Variants in WNK3 observed in about 807,000 individuals in gnomAD.
The protein encoded by WNK3 is WNK lysine deficient protein kinase 3, also known as serine/threonine-protein kinase WNK3.
WNK3 carries 18 observed loss-of-function variants against 116.7 expected under a neutral mutation model. The ratio of observed to expected loss-of-function variants is 0.15; its 90% confidence interval spans 0.11 to 0.23. The LOEUF is 0.23. Among genes scored for constraint, WNK3 ranks in the 10% least tolerant of loss-of-function variants. The pLI is 1.00. For missense variants in WNK3, 993 were observed against 1,323.8 expected (o/e 0.75, Z 3.88); for synonymous variants, 404 against 469.4 (o/e 0.86, Z 1.80).
chrX:54,347,769 T>C, intron 1 of WNK3, among the ~76,000 whole-genome samples: 1 of 108,233 alleles, frequency 9.2e-6, no homozygotes, highest in Non-Finnish European at 1.9e-5. Context: ...CATGTACATA[T>C]ACATATACAT....
chrX:54,317,799 T>C (rs1458557179), intron 2 of WNK3, among the ~76,000 whole-genome samples: 1 of 106,956 alleles, frequency 9.3e-6, no homozygotes, highest in Non-Finnish European at 1.9e-5. Context: ...GCCCGGCAAA[T>C]TTTTTGTATT....
At chrX:54,298,200 G>A (rs1557166723) in exon 7 of WNK3, 2 of 1,201,635 alleles carry the variant, frequency 1.7e-6, no homozygotes, top group South Asian at 3.5e-5. Flanking sequence ...TTCCTCAGGT[G>A]TATCTGTTTC....
chrX:54,217,489 G>A (rs2146775150), intron 22 of WNK3, among the ~76,000 whole-genome samples: 1 of 109,160 alleles, frequency 9.2e-6, no homozygotes, highest in African/African-American at 3.3e-5. Flanking sequence ...GGGTGTGGTG[G>A]CGTGTGCCTG....
intron 2 of WNK3, among the ~76,000 whole-genome samples, chrX:54,313,816 G>A (rs149968473): frequency 5.4e-5 from 6 of 111,691 alleles, no homozygotes; most frequent in Non-Finnish European, 3.8e-5. Flanking sequence ...ATACATCTTC[G>A]TAAACTATGA....
At chrX:54,227,780 C>G (rs2146828554) in intron 22 of WNK3, among the ~76,000 whole-genome samples, 1 of 112,913 alleles carries the variant, frequency 8.9e-6, no homozygotes, top group East Asian at 2.7e-4. Context: ...TGTTACAACA[C>G]AGTTAAACTT....
intron 1 of WNK3, among the ~76,000 whole-genome samples, chrX:54,338,246 C>CAAAAATTAG (rs1443319157): frequency 9.0e-6 from 1 of 110,631 alleles, no homozygotes; most frequent in African/African-American, 3.3e-5. Flanking sequence ...CATGGTGAAA[C>CAAAAATTAG]CCCGTCTCTA....
chrX:54,322,565 A>G (rs2069051554), intron 2 of WNK3, among the ~76,000 whole-genome samples: 1 of 111,641 alleles, frequency 9.0e-6, no homozygotes, highest in Non-Finnish European at 1.9e-5. Flanking sequence ...TAAAAACATA[A>G]AAGAATGATC....
chrX:54,325,744 A>G (rs1454730440), intron 2 of WNK3, among the ~76,000 whole-genome samples: 5 of 108,543 alleles, frequency 4.6e-5, no homozygotes, highest in African/African-American at 1.7e-4. Context: ...CAAATGATAA[A>G]TGTACTGGTG....
intron 2 of WNK3, among the ~76,000 whole-genome samples, chrX:54,312,621 A>G (rs1390521880): frequency 2.0e-4 from 22 of 109,713 alleles, no homozygotes; most frequent in African/African-American, 7.3e-4. Context: ...TATTTTTAGT[A>G]GAGATGGGGT....
chrX:54,224,923 C>T (rs966625779), intron 22 of WNK3, among the ~76,000 whole-genome samples: 24 of 110,441 alleles, frequency 2.2e-4, no homozygotes, highest in Admixed American at 5.9e-4. Flanking sequence ...GGCAGATGAT[C>T]AACAGAGAAA....
intron 11 of WNK3, among the ~76,000 whole-genome samples, chrX:54,258,232 C>T (rs1284442885): frequency 1.1e-5 from 1 of 93,261 alleles, no homozygotes; most frequent in Non-Finnish European, 2.1e-5. Flanking sequence ...GAGCCGAAAT[C>T]GTGCCACTGC....
intron 17 of WNK3, among the ~76,000 whole-genome samples, chrX:54,241,935 C>G (rs1557151655): frequency 1.1e-5 from 1 of 94,664 alleles, no homozygotes; most frequent in African/African-American, 4.0e-5. Context: ...ACCTGGGCGA[C>G]AGAGTAAGAC....
intron 1 of WNK3, among the ~76,000 whole-genome samples, chrX:54,347,583 G>A (rs1214410700): frequency 1.8e-5 from 2 of 108,769 alleles, no homozygotes; most frequent in South Asian, 4.0e-4. Context: ...CTGGGAGGTT[G>A]AGGCTGCAGT....
exon 24 of WNK3, chrX:54,194,052 A>G (rs1362033177): frequency 8.9e-6 from 1 of 111,987 alleles, no homozygotes; most frequent in Non-Finnish European, 1.9e-5. Context: ...ACTTATGCAT[A>G]ATGACTGAAA....
intron 22 of WNK3, among the ~76,000 whole-genome samples, chrX:54,225,512 T>C (rs181990552): frequency 9.4e-6 from 1 of 106,951 alleles, no homozygotes; most frequent in East Asian, 2.9e-4. Flanking sequence ...TCCCAGCTAC[T>C]TGGGAGGCTG....
intron 10 of WNK3, among the ~76,000 whole-genome samples, chrX:54,268,674 C>T (rs2068344927): frequency 9.0e-6 from 1 of 110,977 alleles, no homozygotes; most frequent in African/African-American, 3.3e-5. Context: ...CAAAAGGACA[C>T]AAATGCTACC....
rs1469779060 is a variant in WNK3, at chrX:54,342,664, T to A, written c.-119-8872A>T. Reference sequence around the variant, plus strand: ...AAAACTATACTTACCCTCCCACCCCTCATTGTGTCCACTCTCATCTTTAGC... The same window carrying A: ...AAAACTATACTTACCCTCCCACCCCACATTGTGTCCACTCTCATCTTTAGC... On this transcript the variant is annotated intron_variant, in intron 1 of 23. Coordinates refer to ENST00000354646, the Ensembl canonical transcript of WNK3. Among the ~76,000 whole-genome samples the A allele has an allele frequency of 7.3e-5, 8 of 109,087 alleles. No individual in the cohort carries two copies. In the East Asian group the frequency reaches 2.4e-3, roughly 32 times the overall value. The allele number at this position is 109,087 out of a possible 115,157, so 94.7% of individuals were successfully genotyped here.
intron 21 of WNK3, among the ~76,000 whole-genome samples, chrX:54,231,067 T>G (rs782121586): frequency 7.1e-4 from 80 of 112,566 alleles, no homozygotes; most frequent in Non-Finnish European, 1.3e-3. Context: ...AAAGAATGCT[T>G]TGGGATCACG....
chrX:54,336,794 G>C (rs1237533759), intron 1 of WNK3, among the ~76,000 whole-genome samples: 4 of 111,476 alleles, frequency 3.6e-5, no homozygotes, highest in Non-Finnish European at 7.5e-5. Flanking sequence ...ACTACTAAAT[G>C]CAAGAAAATT....
Sources: gnomAD v4.1 joint callset for allele counts (sites outside exome capture counted in the v4.1 genomes callset) on GRCh38, gnomAD v4.1.1 for gene constraint, MANE v1.5 for transcripts, NCBI Gene and HGNC (gene_info 2026-07-23, HGNC 2026-07-21) for gene names.